Variants in FGD4 observed in about 807,000 individuals in gnomAD.
FGD4 encodes the protein FYVE, RhoGEF and PH domain containing 4.
FGD4 carries 42 observed loss-of-function variants against 102.0 expected under a neutral mutation model. The ratio of observed to expected loss-of-function variants is 0.41; its 90% CI spans 0.32 to 0.53. The LOEUF is 0.53. Ranked by LOEUF, FGD4 falls within the 20% of genes least tolerant of loss-of-function variation. The pLI is 0.21. For missense variants in FGD4, 902 were observed against 1,078.2 expected (o/e 0.84, Z 2.29); for synonymous variants, 380 against 375.7 (o/e 1.01, Z -0.13).
At chr12:32,521,714 A>G (rs575472549) in intron 1 of FGD4, among the ~76,000 whole-genome samples, 33 of 152,202 alleles carry the variant, frequency 2.2e-4, no homozygotes, top group African/African-American at 7.7e-4. Context: ...GCCATAGGTT[A>G]CTCTAATTTC....
At chr12:32,474,741 C>T (rs1422777665) in intron 1 of FGD4, among the ~76,000 whole-genome samples, 1 of 151,866 alleles carries the variant, frequency 6.6e-6, no homozygotes, top group Non-Finnish European at 1.5e-5. Context: ...GAAATTTCTA[C>T]AAAAAATACA....
At chr12:32,434,006 C>T (rs1942141672) in intron 1 of FGD4, among the ~76,000 whole-genome samples, 1 of 152,040 alleles carries the variant, frequency 6.6e-6, no homozygotes, top group African/African-American at 2.4e-5. Flanking sequence ...CAGGCATGCA[C>T]CACCACGCCC....
chr12:32,539,119 T>C (rs1942577019), intron 1 of FGD4, among the ~76,000 whole-genome samples: 1 of 152,194 alleles, frequency 6.6e-6, no homozygotes, highest in African/African-American at 2.4e-5. Context: ...AATGATATAC[T>C]TGCCCCACTT....
intron 1 of FGD4, among the ~76,000 whole-genome samples, chr12:32,533,062 G>A (rs1274418898): frequency 6.6e-6 from 1 of 152,152 alleles, no homozygotes; most frequent in Non-Finnish European, 1.5e-5. Flanking sequence ...GCTCCTAGCA[G>A]GTGTGCAATT....
At position 32,641,887 on chromosome 12, in the gene FGD4, A is replaced by G. The variant is rs886049261; in HGVS notation, c.*1354A>G. The G allele has an allele frequency of 3.9e-5, 6 of 152,260 alleles. No homozygotes were observed. The highest frequency in any genetic ancestry group is 1.9e-4 in the East Asian group (1 of 5,194). The allele number at this position is 152,260 out of a possible 1,614,324, so 9.4% of individuals were successfully genotyped here. A position where few individuals can be genotyped will look rare whatever the true frequency, so the allele number is the denominator to read the frequency against. On this transcript the variant is annotated 3_prime_UTR_variant, in exon 17 of 17. Transcript: ENST00000534526. ...ATTAAAATCTCACACTAAGTTTACT[A>G]TTTAACTTAATCCTTTTTCTCAAAT...
At chr12:32,602,123 A>AT in intron 6 of FGD4, 38 bp from the exon 7 acceptor site, 7 of 1,572,388 alleles carry the variant, frequency 4.5e-6, no homozygotes, top group South Asian at 1.1e-5. Flanking sequence ...TCAAAAAAAA[A>AT]TTTTTTTTAA....
intron 9 of FGD4, 32 bp from the exon 10 acceptor site, chr12:32,611,105 C>T (rs1949106902): frequency 1.2e-6 from 2 of 1,613,674 alleles, no homozygotes; most frequent in Non-Finnish European, 1.7e-6. Context: ...TGAAACCTGC[C>T]TGTATGTGAT....
intron 2 of FGD4, among the ~76,000 whole-genome samples, chr12:32,568,855 TAGATAA>T (rs1460253976): frequency 1.3e-5 from 2 of 152,236 alleles, no homozygotes; most frequent in Non-Finnish European, 2.9e-5. Context: ...CTTTTCATTC[TAGATAA>T]TTACTTTGAA....
intron 1 of FGD4, among the ~76,000 whole-genome samples, chr12:32,413,929 A>AACT (rs200111286): frequency 0.062 from 9,451 of 151,908 alleles, 419 homozygotes; most frequent in Middle Eastern, 0.15. Context: ...ACAGAAAGAT[A>AACT]ACTGAGAGAT....
At chr12:32,543,271 C>T (rs1942984038) in intron 1 of FGD4, among the ~76,000 whole-genome samples, 1 of 152,178 alleles carries the variant, frequency 6.6e-6, no homozygotes, top group African/African-American at 2.4e-5. Flanking sequence ...AACATGGGTG[C>T]TCCTGTCCCA....
rs1195238357 is a variant in FGD4, at chr12:32,645,146, G to A, written c.*4613G>A. ...AATAAATAAATACCAAATACATAGTGACATATAGGTTTGGGAAGAAACTAG... is the reference window on the plus strand; with the variant it reads ...AATAAATAAATACCAAATACATAGTAACATATAGGTTTGGGAAGAAACTAG... On this transcript the variant is annotated 3_prime_UTR_variant, in exon 17 of 17. Transcript: ENST00000534526. The A allele has an allele frequency of 6.6e-6, 1 of 152,044 alleles. No homozygotes were observed. The highest frequency in any genetic ancestry group is 2.4e-5 in the African/African-American group (1 of 41,412). The allele number at this position is 152,044 out of a possible 1,614,324, so 9.4% of individuals were successfully genotyped here.
At chr12:32,421,863 G>T (rs570582154) in intron 1 of FGD4, among the ~76,000 whole-genome samples, 90 of 152,156 alleles carry the variant, frequency 5.9e-4, no homozygotes, top group African/African-American at 2.0e-3. Flanking sequence ...ACTATAGGCC[G>T]GGCGCAGTGG....
At chr12:32,478,001 C>T (rs1591978607) in intron 1 of FGD4, among the ~76,000 whole-genome samples, 1 of 152,198 alleles carries the variant, frequency 6.6e-6, no homozygotes, top group East Asian at 1.9e-4. Context: ...AGCACTTAGG[C>T]TAGTAAATTT....
intron 1 of FGD4, among the ~76,000 whole-genome samples, chr12:32,406,045 G>A (rs969026249): frequency 2.0e-5 from 3 of 152,034 alleles, no homozygotes; most frequent in African/African-American, 7.2e-5. Flanking sequence ...CTGGGTTCAA[G>A]TGATTCTCCT....
At position 32,567,686 on chromosome 12, in the gene FGD4, C is replaced by CTT. The variant is rs36064998; in HGVS notation, c.319+3413_319+3414dup. Among the ~76,000 whole-genome samples the CTT allele has an allele frequency of 3.8e-3, 476 of 126,356 alleles. 8 individuals carry two copies. Among genetic ancestry groups the CTT allele is most frequent in the African/African-American group, 8.7e-3 (294 of 33,618 alleles). 82.9% of individuals were successfully genotyped at this position (126,356 alleles called of 152,430 possible). ...GATTATAGTCACAATTTATTGTGGG[C>CTT]TTTTTTTTTTTTTTTTTGAGAGAGA... is the stretch of plus-strand genomic sequence containing the variant. On this transcript the variant is annotated intron_variant, in intron 2 of 16. Transcript: ENST00000534526.
At chr12:32,571,343 T>C (rs1373975995) in intron 2 of FGD4, among the ~76,000 whole-genome samples, 1 of 152,004 alleles carries the variant, frequency 6.6e-6, no homozygotes, top group Non-Finnish European at 1.5e-5. Flanking sequence ...TAATCCCAGC[T>C]ACTCTTGAGG....
At chr12:32,565,208 A>G (rs1173959234) in intron 2 of FGD4, among the ~76,000 whole-genome samples, 1 of 152,240 alleles carries the variant, frequency 6.6e-6, no homozygotes, top group Non-Finnish European at 1.5e-5. Flanking sequence ...TGTATGTTTT[A>G]AGGATTTCTG....
intron 1 of FGD4, among the ~76,000 whole-genome samples, chr12:32,473,251 C>A (rs188821629): frequency 6.6e-6 from 1 of 151,972 alleles, no homozygotes; most frequent in Non-Finnish European, 1.5e-5. Flanking sequence ...GCAACCTGCT[C>A]GTGTCCCCTT....
intron 3 of FGD4, among the ~76,000 whole-genome samples, chr12:32,581,127 G>A (rs917380978): frequency 6.6e-6 from 1 of 152,202 alleles, no homozygotes; most frequent in Non-Finnish European, 1.5e-5. Context: ...AGAAATACCA[G>A]TGTTTTAGGA....
Sources: gnomAD v4.1 joint callset for allele counts (sites outside exome capture counted in the v4.1 genomes callset) on GRCh38, gnomAD v4.1.1 for gene constraint, MANE v1.5 for transcripts, NCBI Gene and HGNC (gene_info 2026-07-23, HGNC 2026-07-21) for gene names.